Variants in FAAH2 observed in about 807,000 individuals in gnomAD.
The protein encoded by FAAH2 is fatty acid amide hydrolase 2.
In FAAH2, 60 loss-of-function variants were observed where a neutral mutation model predicts 36.9. That is an observed-to-expected ratio of 1.63 (90% confidence interval 1.32 to 2.02). FAAH2 has a LOEUF of 2.02. FAAH2 is among the 30% of genes most tolerant of loss of function. The pLI is 0.00. For missense variants in FAAH2, 689 were observed against 397.5 expected (o/e 1.73, Z -6.23); for synonymous variants, 214 against 143.8 (o/e 1.49, Z -3.49).
At chrX:57,363,964 T>C (rs1256468789) in intron 5 of FAAH2, among the ~76,000 whole-genome samples, 4 of 107,866 alleles carry the variant, frequency 3.7e-5, no homozygotes, top group Non-Finnish European at 7.7e-5. Context: ...AGTATGTTGT[T>C]GAGGATTTTT....
chrX:57,462,165 CAAAAAAAAAA>C (rs34690622), intron 10 of FAAH2, among the ~76,000 whole-genome samples: 11 of 51,861 alleles, frequency 2.1e-4, no homozygotes, highest in Non-Finnish European at 3.1e-4. Context: ...TAATAGCCTA[CAAAAAAAAAA>C]AAAAAAAAAA....
chrX:57,393,490 G>T, intron 7 of FAAH2: 1 of 959,065 alleles, frequency 1.0e-6, no homozygotes, highest in Non-Finnish European at 1.5e-6. Context: ...GTGTGATCCG[G>T]TCTGCAATGA....
chrX:57,158,537 A>G, the FAAH2 span, among the ~76,000 whole-genome samples: 4 of 111,843 alleles, frequency 3.6e-5, no homozygotes, highest in East Asian at 1.1e-3. Context: ...AATGATCACC[A>G]TTCTAACTGG....
the FAAH2 span, among the ~76,000 whole-genome samples, chrX:57,153,506 G>T: frequency 1.8e-5 from 2 of 111,836 alleles, no homozygotes; most frequent in Non-Finnish European, 3.8e-5. Context: ...GTGTTTCCAG[G>T]ATTGTTTCAA....
At chrX:57,168,756 T>G in the FAAH2 span, among the ~76,000 whole-genome samples, 1 of 112,072 alleles carries the variant, frequency 8.9e-6, no homozygotes, top group Non-Finnish European at 1.9e-5. Flanking sequence ...TCAAAGGTAA[T>G]TAGGTCAGTA....
chrX:57,247,993 G>A, the FAAH2 span, among the ~76,000 whole-genome samples: 1 of 112,042 alleles, frequency 8.9e-6, no homozygotes, highest in South Asian at 3.8e-4. Context: ...GAAATTTTCA[G>A]ATCATTTATT....
At chrX:57,349,249 C>A (rs867322715) in intron 5 of FAAH2, among the ~76,000 whole-genome samples, 2 of 89,583 alleles carry the variant, frequency 2.2e-5, no homozygotes, top group African/African-American at 8.1e-5. Flanking sequence ...GTATGTATAT[C>A]TGTGTGTATA....
chrX:57,457,267 C>T (rs1167530478), intron 10 of FAAH2, among the ~76,000 whole-genome samples: 1 of 111,023 alleles, frequency 9.0e-6, no homozygotes, highest in Non-Finnish European at 1.9e-5. Flanking sequence ...TGACAAAAGC[C>T]CTCAACAGAT....
intron 2 of FAAH2, among the ~76,000 whole-genome samples, chrX:57,297,090 G>A (rs1445356230): frequency 9.1e-6 from 1 of 110,061 alleles, no homozygotes; most frequent in African/African-American, 3.3e-5. Flanking sequence ...TCAGATCCAG[G>A]AAATACAGAG....
intron 3 of FAAH2, among the ~76,000 whole-genome samples, chrX:57,330,513 C>G (rs1033218553): frequency 9.0e-6 from 1 of 111,388 alleles, no homozygotes; most frequent in Non-Finnish European, 1.9e-5. Context: ...GTCCTGAGGT[C>G]CTGTGATCTT....
intron 3 of FAAH2, among the ~76,000 whole-genome samples, chrX:57,319,724 G>C (rs758193126): frequency 4.7e-4 from 53 of 112,018 alleles, no homozygotes; most frequent in Middle Eastern, 9.2e-3. Flanking sequence ...ACAATCTTAA[G>C]CTAAATGACC....
chrX:57,309,270 CA>C (rs1278468563), intron 2 of FAAH2, among the ~76,000 whole-genome samples: 1 of 111,378 alleles, frequency 9.0e-6, no homozygotes, highest in Middle Eastern at 4.3e-3. Flanking sequence ...CAAAAAACAA[CA>C]AAAAATTACC....
At chrX:57,401,862 A>C (rs920482531) in intron 7 of FAAH2, among the ~76,000 whole-genome samples, 2 of 111,188 alleles carry the variant, frequency 1.8e-5, no homozygotes, top group African/African-American at 6.6e-5. Flanking sequence ...TTTTGCTAGA[A>C]TGTCTCTCCC....
At chrX:57,128,745 T>C in the FAAH2 span, among the ~76,000 whole-genome samples, 272 of 112,062 alleles carry the variant, frequency 2.4e-3, no homozygotes, top group Non-Finnish European at 4.1e-3. Context: ...AAACAAGTAT[T>C]TATAGAGTGT....
chrX:57,178,497 TA>T, the FAAH2 span, among the ~76,000 whole-genome samples: 1 of 110,892 alleles, frequency 9.0e-6, no homozygotes, highest in Non-Finnish European at 1.9e-5. Flanking sequence ...AGGAGGTGGA[TA>T]AGGCCATGGA....
intron 2 of FAAH2, among the ~76,000 whole-genome samples, chrX:57,295,908 G>A (rs2052135419): frequency 1.8e-5 from 2 of 112,526 alleles, no homozygotes; most frequent in Non-Finnish European, 3.8e-5. Flanking sequence ...GAGGCTGGGG[G>A]AGGGGCGCCT....
intron 7 of FAAH2, chrX:57,394,966 T>A (rs1569315713): frequency 1.7e-6 from 1 of 581,883 alleles, no homozygotes; most frequent in African/African-American, 2.2e-5. Context: ...GTTCCAAGCA[T>A]CCTTTAGGCA....
chrX:57,194,592 AT>A, the FAAH2 span, among the ~76,000 whole-genome samples: 2 of 109,314 alleles, frequency 1.8e-5, no homozygotes, highest in Admixed American at 2.0e-4. Context: ...TTATTTATTT[AT>A]TTTTATATCA....
At chrX:57,139,121 C>T in the FAAH2 span, among the ~76,000 whole-genome samples, 1 of 112,226 alleles carries the variant, frequency 8.9e-6, no homozygotes, top group Non-Finnish European at 1.9e-5. Context: ...CTCAAGAAAT[C>T]GTTGCTCAGA....
Sources: gnomAD v4.1 joint callset for allele counts (sites outside exome capture counted in the v4.1 genomes callset) on GRCh38, gnomAD v4.1.1 for gene constraint, MANE v1.5 for transcripts, NCBI Gene and HGNC (gene_info 2026-07-23, HGNC 2026-07-21) for gene names.